Variants in LRP1B observed in about 807,000 individuals in gnomAD.
LRP1B encodes the protein low-density lipoprotein receptor-related protein 1B.
LRP1B carries 217 observed loss-of-function variants against 556.6 expected under a neutral mutation model. The ratio of observed to expected loss-of-function variants is 0.39; its 90% CI spans 0.35 to 0.44. The LOEUF (loss-of-function observed/expected upper bound fraction) is 0.44, where lower values mean the gene tolerates loss of function less well. Among genes scored for constraint, LRP1B ranks in the 20% least tolerant of loss-of-function variants. The pLI, the probability that LRP1B is intolerant of heterozygous loss-of-function variation, is 1.00. For missense variants in LRP1B, 5,053 were observed against 5,620.8 expected (o/e 0.90, Z 3.23); for synonymous variants, 2,047 against 1,865.8 (o/e 1.10, Z -2.50).
intron 32 of LRP1B, among the ~76,000 whole-genome samples, chr2:140,782,570 C>A (rs1206644634): frequency 6.6e-6 from 1 of 152,148 alleles, no homozygotes; most frequent in African/African-American, 2.4e-5. Flanking sequence ...TCAAGCCATC[C>A]AGTCTGTGGG....
At chr2:141,899,500 C>A (rs963509797) in intron 1 of LRP1B, among the ~76,000 whole-genome samples, 20 of 152,226 alleles carry the variant, frequency 1.3e-4, no homozygotes, top group African/African-American at 4.8e-4. Context: ...GCGGCACTCT[C>A]TATAAACACA....
At chr2:141,867,184 G>A (rs13007371) in intron 1 of LRP1B, among the ~76,000 whole-genome samples, 46,542 of 151,916 alleles carry the variant, frequency 0.31, 8,202 homozygotes, top group Middle Eastern at 0.45. Context: ...TAAAGATGTA[G>A]TAAGACCCAG....
intron 1 of LRP1B, among the ~76,000 whole-genome samples, chr2:142,046,337 T>C (rs948189070): frequency 1.9e-4 from 29 of 152,076 alleles, no homozygotes; most frequent in African/African-American, 6.5e-4. Context: ...ATTTGGAGCA[T>C]GACAGTTGAC....
chr2:141,417,198 A>G (rs936617150), intron 3 of LRP1B, among the ~76,000 whole-genome samples: 4 of 152,330 alleles, frequency 2.6e-5, no homozygotes, highest in East Asian at 1.9e-4. Context: ...ATATTTGCCA[A>G]TTTAAAAATG....
At chr2:141,292,147 G>T (rs1685994904) in intron 3 of LRP1B, among the ~76,000 whole-genome samples, 1 of 152,156 alleles carries the variant, frequency 6.6e-6, no homozygotes. Flanking sequence ...TGTGACCTGT[G>T]CATGCGAGGG....
At chr2:141,023,749 T>G (rs1339368285) in intron 11 of LRP1B, among the ~76,000 whole-genome samples, 1 of 152,026 alleles carries the variant, frequency 6.6e-6, no homozygotes, top group Non-Finnish European at 1.5e-5. Context: ...TAGATCTTGA[T>G]GCTTTACAAC....
intron 2 of LRP1B, among the ~76,000 whole-genome samples, chr2:141,735,804 T>G (rs1377419036): frequency 7.9e-5 from 12 of 152,228 alleles, no homozygotes; most frequent in South Asian, 2.1e-4. Context: ...GAGCAGCATG[T>G]CAGCTTGATC....
At chr2:141,579,080 T>A (rs1358560140) in intron 2 of LRP1B, among the ~76,000 whole-genome samples, 1 of 152,198 alleles carries the variant, frequency 6.6e-6, no homozygotes, top group African/African-American at 2.4e-5. Flanking sequence ...CAAACAAAAC[T>A]ATATTGGATA....
At chr2:141,459,853 T>C (rs1260915259) in intron 3 of LRP1B, among the ~76,000 whole-genome samples, 2 of 152,258 alleles carry the variant, frequency 1.3e-5, no homozygotes, top group South Asian at 2.1e-4. Context: ...AGCATGAAAA[T>C]GGACTAATCC....
At chr2:142,055,226 G>A (rs1273011211) in intron 1 of LRP1B, among the ~76,000 whole-genome samples, 1 of 152,066 alleles carries the variant, frequency 6.6e-6, no homozygotes, top group Non-Finnish European at 1.5e-5. Flanking sequence ...AAGGAATAGA[G>A]TGTGGATATA....
At chr2:141,713,443 A>C (rs1413792253) in intron 2 of LRP1B, among the ~76,000 whole-genome samples, 1 of 152,224 alleles carries the variant, frequency 6.6e-6, no homozygotes, top group Non-Finnish European at 1.5e-5. Context: ...ACTTTTCCAA[A>C]GTGCATTTGA....
chr2:140,664,800 T>C (rs1179583165), intron 41 of LRP1B, among the ~76,000 whole-genome samples: 5 of 152,056 alleles, frequency 3.3e-5, no homozygotes, highest in African/African-American at 7.2e-5. Flanking sequence ...GATAATCCAA[T>C]GTCATATTAC....
rs74788820 is a variant in LRP1B at position 140,502,889 on chromosome 2, T to C, written c.8662+74A>G. On this transcript the variant is annotated intron_variant, in intron 54 of 90. Transcript: ENST00000389484. Reference sequence around the variant, plus strand: ...TTGCATTTTCTCTCATTGAATACTATACTAGACAGAAAATCACAATTTTTC... The same window carrying C: ...TTGCATTTTCTCTCATTGAATACTACACTAGACAGAAAATCACAATTTTTC... The C allele has an allele frequency of 9.8e-4, 1,455 of 1,484,730 alleles. 13 individuals are homozygous for C. In the African/African-American group the frequency reaches 0.011, roughly 11 times the overall value. 92.0% of individuals were successfully genotyped at this position (1,484,730 alleles called of 1,614,324 possible). A position where few individuals can be genotyped will look rare whatever the true frequency, so the allele number is the denominator to read the frequency against.
intron 15 of LRP1B, 98 bp downstream of exon 15, chr2:141,005,237 C>A (rs1697537918): frequency 1.5e-6 from 2 of 1,319,228 alleles, no homozygotes; most frequent in East Asian, 5.0e-5. Flanking sequence ...ATCTGAATTT[C>A]TCTTTCCAAG....
chr2:141,228,195 G>A (rs1033248550), intron 6 of LRP1B, among the ~76,000 whole-genome samples: 8 of 152,128 alleles, frequency 5.3e-5, no homozygotes, highest in East Asian at 1.9e-4. Flanking sequence ...GGGAGCCACC[G>A]CACCCGGCTT....
chr2:141,633,744 C>T (rs1688996428), intron 2 of LRP1B, among the ~76,000 whole-genome samples: 1 of 151,400 alleles, frequency 6.6e-6, no homozygotes, highest in African/African-American at 2.4e-5. Context: ...AAACTCTGTA[C>T]TCATTAAACA....
At chr2:141,233,078 G>A (rs796410942) in intron 5 of LRP1B, among the ~76,000 whole-genome samples, 2 of 152,300 alleles carry the variant, frequency 1.3e-5, no homozygotes, top group African/African-American at 4.8e-5. Context: ...CAGAATAAAT[G>A]TGATGATCTT....
At chr2:140,709,242 T>C (rs1453497221) in intron 37 of LRP1B, among the ~76,000 whole-genome samples, 1 of 152,002 alleles carries the variant, frequency 6.6e-6, no homozygotes, top group Non-Finnish European at 1.5e-5. Flanking sequence ...ACAGTATGTG[T>C]TTCAGTTAGA....
At chr2:141,459,514 T>A (rs936548914) in intron 3 of LRP1B, among the ~76,000 whole-genome samples, 2 of 152,076 alleles carry the variant, frequency 1.3e-5, no homozygotes, top group African/African-American at 4.8e-5. Flanking sequence ...CAAGGTGATA[T>A]GGTTTGGCTT....
Sources: allele counts gnomAD v4.1 joint callset (sites outside exome capture counted in the v4.1 genomes callset), GRCh38; gene constraint gnomAD v4.1.1; transcripts MANE v1.5; gene names NCBI Gene and HGNC (gene_info 2026-07-23, HGNC 2026-07-21).